ARHGEF33: variants seen among roughly 807,000 people sequenced by gnomAD.
ARHGEF33 encodes Rho guanine nucleotide exchange factor 33.
ARHGEF33 carries 72 observed loss-of-function variants against 101.9 expected under a neutral mutation model. That is an observed-to-expected ratio of 0.71 (90% CI 0.58 to 0.86). The LOEUF is 0.86. Ranked by LOEUF, ARHGEF33 falls within the 40% of genes least tolerant of loss-of-function variation. ARHGEF33 has a pLI of 0.00. For synonymous variants in ARHGEF33, 499 were observed against 442.5 expected (o/e 1.13, Z -1.60); for missense variants, 1,169 against 1,111.3 (o/e 1.05, Z -0.74).
chr2:38,907,783 G>A (rs558371151), intron 2 of ARHGEF33, among the ~76,000 whole-genome samples: 7 of 151,740 alleles, frequency 4.6e-5, no homozygotes, highest in Non-Finnish European at 1.0e-4. Context: ...TATAGTGACA[G>A]TCACTTTATT....
chr2:38,954,999 C>A (rs1362326073), intron 13 of ARHGEF33, among the ~76,000 whole-genome samples: 1 of 152,134 alleles, frequency 6.6e-6, no homozygotes, highest in Non-Finnish European at 1.5e-5. Flanking sequence ...TCTTTACTTA[C>A]CAGCAACTTC....
At chr2:38,946,138 G>T (rs1474689862) in intron 10 of ARHGEF33, among the ~76,000 whole-genome samples, 1 of 152,164 alleles carries the variant, frequency 6.6e-6, no homozygotes. Flanking sequence ...TACATATGTT[G>T]TCTAGCCCTT....
chr2:38,971,414 G>A (rs1668164854), intron 17 of ARHGEF33, among the ~76,000 whole-genome samples: 1 of 152,146 alleles, frequency 6.6e-6, no homozygotes, highest in Non-Finnish European at 1.5e-5. Flanking sequence ...GCTCAGATGT[G>A]CCCTGCAGTC....
At chr2:38,973,669 T>G in intron 17 of ARHGEF33, 45 bp from the exon 18 acceptor site, 2 of 1,442,080 alleles carry the variant, frequency 1.4e-6, no homozygotes, top group Non-Finnish European at 1.8e-6. Flanking sequence ...TGAAAACAAT[T>G]AAAACCAAAT....
At chr2:38,941,769 A>AT (rs1667314748) in intron 9 of ARHGEF33, among the ~76,000 whole-genome samples, 1 of 151,928 alleles carries the variant, frequency 6.6e-6, no homozygotes, top group Non-Finnish European at 1.5e-5. Context: ...CTGGTCTCCA[A>AT]TTCCTGACCT....
Position 38,952,787 on chromosome 2 carries a change from C to T in ARHGEF33, c.1054-375C>T, listed in dbSNP as rs533373213. ...AATCTCGGCTCACTGCAAGCTCTGC[C>T]TCCCGGGTTCATGCCATTCTCCTAC... On this transcript the variant is annotated intron_variant, in intron 11 of 17. Coordinates refer to ENST00000409978, the MANE Select transcript of ARHGEF33 (RefSeq NM_001145451.5). 2.6e-5 allele frequency among the ~76,000 whole-genome samples: 4 copies of T among 152,084 alleles called. No individual in the cohort carries two copies. In the South Asian group the frequency reaches 6.2e-4, roughly 24 times the overall value.
intron 17 of ARHGEF33, among the ~76,000 whole-genome samples, chr2:38,968,710 T>G (rs1011503925): frequency 9.9e-5 from 15 of 152,212 alleles, no homozygotes; most frequent in African/African-American, 3.6e-4. Flanking sequence ...TCCTTTGTAT[T>G]TAAAATCCGA....
intron 2 of ARHGEF33, among the ~76,000 whole-genome samples, chr2:38,906,434 T>C (rs1427590245): frequency 6.6e-6 from 1 of 152,184 alleles, no homozygotes; most frequent in Non-Finnish European, 1.5e-5. Flanking sequence ...GGTCTCCTTA[T>C]GGAATGTCTC....
At chr2:38,941,693 G>A (rs1283613028) in intron 9 of ARHGEF33, among the ~76,000 whole-genome samples, 3 of 151,632 alleles carry the variant, frequency 2.0e-5, no homozygotes, top group African/African-American at 7.3e-5. Flanking sequence ...GACTACAGCC[G>A]TCCACCACCA....
At chr2:38,896,110 A>C (rs148061239) in intron 2 of ARHGEF33, among the ~76,000 whole-genome samples, 2 of 152,300 alleles carry the variant, frequency 1.3e-5, no homozygotes, top group East Asian at 3.9e-4. Context: ...CAGCATTGAG[A>C]CAAGAATGAA....
chr2:38,960,530 G>C lies in ARHGEF33; in HGVS notation c.2225G>C (p.Arg742Pro). ...SGGRAPIKAE[R>P]AAQAHGPAAA... ...GGCCGCGCGCCCATCAAGGCCGAGCGCGCCGCGCAGGCGCACGGCCCGGCC... is the reference window on the plus strand; with the variant it reads ...GGCCGCGCGCCCATCAAGGCCGAGCCCGCCGCGCAGGCGCACGGCCCGGCC... Residue 742 changes from arginine to proline, a missense_variant, in exon 16 of 18, where the codon CGC becomes CCC. Coordinates refer to ENST00000409978, the MANE Select transcript of ARHGEF33 (RefSeq NM_001145451.5). 8.0e-7 allele frequency: 1 copy of C among 1,255,932 alleles called. No homozygotes were observed. Among genetic ancestry groups the C allele is most frequent in the Non-Finnish European group, 1.0e-6 (1 of 999,298 alleles). 77.8% of individuals were successfully genotyped at this position (1,255,932 alleles called of 1,614,324 possible).
chr2:38,944,876 G>GGTGGGTGTGT (rs1553343311), intron 10 of ARHGEF33, among the ~76,000 whole-genome samples: 1 of 145,648 alleles, frequency 6.9e-6, no homozygotes, highest in African/African-American at 2.6e-5. Flanking sequence ...GTAATGCATG[G>GGTGGGTGTGT]GTGTGTGTGT....
chr2:38,945,710 C>T (rs759481055), intron 10 of ARHGEF33, among the ~76,000 whole-genome samples: 1 of 152,242 alleles, frequency 6.6e-6, no homozygotes, highest in South Asian at 2.1e-4. Context: ...AGCAGCGTCT[C>T]TTCTTAGTCT....
rs1230918497 is a variant in ARHGEF33, at chr2:38,953,166, A to C, written c.1058A>C (p.Asn353Thr). The C allele has an allele frequency of 6.7e-7, 1 of 1,481,598 alleles. No homozygotes were observed. The highest frequency in any genetic ancestry group is 1.2e-5 in the South Asian group (1 of 82,694). 91.8% of individuals were successfully genotyped at this position (1,481,598 alleles called of 1,614,324 possible). ...ATTTTTGTGTTTGTTTTAAAGAATA[A>C]TTTCTTGGATTATTATGTTGCCTAC... ...LFLKLTNDEN[N>T]FLDYYVAYLR... Residue 353 changes from asparagine (N) to threonine (T), a missense_variant, in exon 12 of 18, where the codon AAT (asparagine) becomes ACT (threonine). By Grantham distance (65) the Asn-to-Thr change is moderately conservative (BLOSUM62 0). Transcript: ENST00000409978.
In ARHGEF33 at chr2:38,949,208, G is replaced by C. The variant is rs1295637380; in HGVS notation, c.921-1781G>C. Among the ~76,000 whole-genome samples, 3 of 152,232 alleles carry C rather than the reference G, an allele frequency of 2.0e-5. No homozygotes were observed. The East Asian group carries it at 5.8e-4, about 29-fold the overall frequency. On this transcript the variant is annotated intron_variant, in intron 10 of 17. Coordinates refer to ENST00000409978, the MANE Select transcript of ARHGEF33 (RefSeq NM_001145451.5). ...GTTCCAACAAAGGTTTGCTTGTTGGGAAAGCACCCCAGTTGTCCACGAGTT... is the reference window on the plus strand; with the variant it reads ...GTTCCAACAAAGGTTTGCTTGTTGGCAAAGCACCCCAGTTGTCCACGAGTT...
intron 2 of ARHGEF33, among the ~76,000 whole-genome samples, chr2:38,911,961 G>T (rs1001442081): frequency 6.6e-6 from 1 of 152,172 alleles, no homozygotes; most frequent in African/African-American, 2.4e-5. Flanking sequence ...GGTTGAAGGG[G>T]GTAAAAAGGG....
intron 4 of ARHGEF33, among the ~76,000 whole-genome samples, chr2:38,926,848 T>C (rs1428195483): frequency 6.6e-6 from 1 of 152,138 alleles, no homozygotes; most frequent in African/African-American, 2.4e-5. Context: ...TAAGTGAATG[T>C]CACTAAGAAG....
chr2:38,904,731 AG>A (rs1220917521), intron 2 of ARHGEF33, among the ~76,000 whole-genome samples: 2 of 151,326 alleles, frequency 1.3e-5, no homozygotes, highest in Non-Finnish European at 3.0e-5. Flanking sequence ...AAGGAAAAGA[AG>A]AAAAAGAAAA....
chr2:38,925,887 G>T (rs1465512252), intron 4 of ARHGEF33, among the ~76,000 whole-genome samples: 1 of 151,942 alleles, frequency 6.6e-6, no homozygotes, highest in Non-Finnish European at 1.5e-5. Flanking sequence ...TGGCAAAAAG[G>T]AAGAAATGTC....
Sources: allele counts gnomAD v4.1 joint callset (sites outside exome capture counted in the v4.1 genomes callset), GRCh38; gene constraint gnomAD v4.1.1; transcripts MANE v1.5; gene names NCBI Gene and HGNC (gene_info 2026-07-23, HGNC 2026-07-21).